PIWIL2: variants seen among roughly 807,000 people sequenced by gnomAD.
The protein encoded by PIWIL2 is piwi like RNA-mediated gene silencing 2.
Under a neutral mutation model 116.5 loss-of-function variants are expected in PIWIL2, and 81 were observed. The observed-to-expected ratio is 0.70, with a 90% CI of 0.58 to 0.84. The LOEUF (loss-of-function observed/expected upper bound fraction) is 0.84. Among genes scored for constraint, PIWIL2 ranks in the 40% least tolerant of loss-of-function variants. PIWIL2 has a pLI of 0.00. For synonymous variants in PIWIL2, 489 were observed against 429.5 expected (o/e 1.14, Z -1.71); for missense variants, 1,272 against 1,212.3 (o/e 1.05, Z -0.73).
At chr8:22,277,664 T>C (rs954616664) in intron 1 of PIWIL2, among the ~76,000 whole-genome samples, 1 of 151,214 alleles carries the variant, frequency 6.6e-6, no homozygotes, top group Non-Finnish European at 1.5e-5. Context: ...AACCACTGTG[T>C]GTGTGTGCTC....
chr8:22,280,966 AC>A (rs1830485701), intron 2 of PIWIL2, among the ~76,000 whole-genome samples, 153 bp from the exon 3 acceptor site: 1 of 152,228 alleles, frequency 6.6e-6, no homozygotes, highest in African/African-American at 2.4e-5. Context: ...TTACATAGTT[AC>A]AGGTATTTTT....
intron 18 of PIWIL2, among the ~76,000 whole-genome samples, chr8:22,315,667 G>A (rs930164589): frequency 2.0e-5 from 3 of 152,102 alleles, no homozygotes; most frequent in African/African-American, 7.2e-5. Context: ...TGATTATTCC[G>A]TGACACATGA....
chr8:22,345,060 C>T (rs1282768963), intron 20 of PIWIL2, among the ~76,000 whole-genome samples: 1 of 152,208 alleles, frequency 6.6e-6, no homozygotes, highest in African/African-American at 2.4e-5. Flanking sequence ...AGCCTGTGGT[C>T]CCAGCTACTC....
At chr8:22,315,507 G>A (rs1199302182) in intron 18 of PIWIL2, among the ~76,000 whole-genome samples, 2 of 151,994 alleles carry the variant, frequency 1.3e-5, no homozygotes, top group Non-Finnish European at 2.9e-5. Context: ...AGTACAGATG[G>A]GATTTCACCA....
chr8:22,343,238 C>G (rs553572407), intron 20 of PIWIL2, among the ~76,000 whole-genome samples: 3 of 151,278 alleles, frequency 2.0e-5, no homozygotes, highest in Non-Finnish European at 4.4e-5. Context: ...AACCCCGTCT[C>G]TACTAAAAAT....
At chr8:22,310,321 C>G (rs540891597) in intron 15 of PIWIL2, among the ~76,000 whole-genome samples, 4 of 152,330 alleles carry the variant, frequency 2.6e-5, no homozygotes, top group South Asian at 2.1e-4. Flanking sequence ...TAGTGCCAAC[C>G]TGTTACCCAC....
chr8:22,287,609 T>A lies in PIWIL2; in HGVS notation c.825T>A (p.Asp275Glu), dbSNP rs1482620258. 1 of 1,612,192 alleles carries A rather than the reference T, an allele frequency of 6.2e-7. No homozygotes were observed. The highest frequency in any genetic ancestry group is 2.2e-5 in the East Asian group (1 of 44,892). Residue 275 changes from aspartate to glutamate, a missense_variant, in exon 7 of 23, where the codon GAT (aspartate) becomes GAA (glutamate). Asp to Glu is a conservative substitution (Grantham distance 45, BLOSUM62 2). Transcript: ENST00000356766. ...TCACCGGCAACGTCACTGCGTTTGA[T>A]GGATCTATTCTCTATCTGCCTGTTA... ...QAVTGNVTAF[D>E]GSILYLPVKL...
intron 20 of PIWIL2, among the ~76,000 whole-genome samples, chr8:22,350,277 C>T (rs1427449454): frequency 3.3e-5 from 5 of 151,434 alleles, no homozygotes; most frequent in Non-Finnish European, 7.4e-5. Context: ...GGAGTAGATG[C>T]TGGAAAGCCA....
chr8:22,278,505 A>G (rs570597480), intron 1 of PIWIL2, among the ~76,000 whole-genome samples: 3 of 152,256 alleles, frequency 2.0e-5, no homozygotes, highest in Admixed American at 6.5e-5. Context: ...GGGCGACAGA[A>G]GGAGACCCTC....
chr8:22,306,761 C>G (rs1445920256), intron 13 of PIWIL2, among the ~76,000 whole-genome samples: 1 of 152,146 alleles, frequency 6.6e-6, no homozygotes, highest in Non-Finnish European at 1.5e-5. Flanking sequence ...GTTTACCTTC[C>G]AGTTCTTCTA....
Position 22,341,611 on chromosome 8 carries a change from A to AG in PIWIL2, c.2404-11348_2404-11347insG, listed in dbSNP as rs1384368840. 3.4e-3 allele frequency among the ~76,000 whole-genome samples: 521 copies of AG among 151,816 alleles called. 5 individuals are homozygous for AG. The highest frequency in any genetic ancestry group is 0.011 in the African/African-American group (476 of 41,392). ...ACTCCGTCTCAAAAAAAAAAAAAAA[A>AG]AAGATTCCCAGCACGTTAGGAATAG... On this transcript the variant is annotated intron_variant, in intron 20 of 22. Transcript: ENST00000356766.
At chr8:22,308,585 G>A (rs755048252) in intron 14 of PIWIL2, among the ~76,000 whole-genome samples, 19 of 152,074 alleles carry the variant, frequency 1.2e-4, no homozygotes, top group African/African-American at 3.9e-4. Flanking sequence ...CCCGGGAGGT[G>A]GAGGTTGCAG....
At chr8:22,318,657 T>C (rs75592735) in intron 20 of PIWIL2, among the ~76,000 whole-genome samples, 7,559 of 152,248 alleles carry the variant, frequency 0.05, 293 homozygotes, top group Admixed American at 0.086. Flanking sequence ...GTGAACACTT[T>C]ACAGGAAGTC....
rs1367200145 is a variant in PIWIL2 at position 22,306,016 on chromosome 8, G to A, written c.1545G>A (p.Lys515=). ...EKMKKDFRAM[K]DLAQQINLSP... is the part of the protein sequence containing the mutation. Reference sequence around the variant, plus strand: ...TGAAGAAGGACTTCAGAGCCATGAAGGTTGGAGTCCTGTGTTTTCAGCCGG... The same window carrying A: ...TGAAGAAGGACTTCAGAGCCATGAAAGTTGGAGTCCTGTGTTTTCAGCCGG... The change falls in exon 13 of 23, where the codon AAG becomes AAA. Residue 515 remains lysine, a splice_region_variant and synonymous_variant. Transcript: ENST00000356766. The A allele has an allele frequency of 6.2e-7, 1 of 1,608,868 alleles. No individual in the cohort carries two copies. Among genetic ancestry groups the A allele is most frequent in the Non-Finnish European group, 8.5e-7 (1 of 1,175,302 alleles).
At chr8:22,289,815 A>T in intron 8 of PIWIL2, 32 bp from the exon 9 acceptor site, 1 of 1,281,872 alleles carries the variant, frequency 7.8e-7, no homozygotes, top group Non-Finnish European at 1.1e-6. Context: ...TTACTCTTCT[A>T]TTAGAAAACT....
At position 22,311,164 on chromosome 8, in the gene PIWIL2, C is replaced by T. The variant is rs144253085; in HGVS notation, c.1853C>T (p.Ala618Val). 6.0e-3 allele frequency: 9,688 copies of T among 1,614,094 alleles called. 38 individuals carry two copies. Among genetic ancestry groups the T allele is most frequent in the Non-Finnish European group, 6.5e-3 (7,639 of 1,179,984 alleles). ...LFYPKRAMDQ[A>V]RELVNMLEKI... ...TACCCAAAGAGAGCAATGGACCAGG[C>T]TCGAGAACTGGTCAACATGTTGGAG... Residue 618 changes from alanine to valine, a missense_variant, in exon 16 of 23, where the codon GCT becomes GTT. Ala to Val is a moderately conservative substitution (Grantham distance 64, BLOSUM62 0). Transcript: ENST00000356766.
chr8:22,328,059 T>C (rs1831768509), intron 20 of PIWIL2, among the ~76,000 whole-genome samples: 1 of 152,212 alleles, frequency 6.6e-6, no homozygotes, highest in Non-Finnish European at 1.5e-5. Context: ...CCCTGTTTTT[T>C]TTTTCTAACA....
intron 14 of PIWIL2, among the ~76,000 whole-genome samples, chr8:22,309,421 GCCT>G (rs1414588356): frequency 6.6e-6 from 1 of 152,000 alleles, no homozygotes; most frequent in Non-Finnish European, 1.5e-5. Flanking sequence ...GCTCACTGCA[GCCT>G]CCTCCCGGAT....
intron 16 of PIWIL2, among the ~76,000 whole-genome samples, chr8:22,313,668 GT>G: frequency 6.6e-6 from 1 of 152,322 alleles, no homozygotes; most frequent in Non-Finnish European, 1.5e-5. Flanking sequence ...GGCTTAAAGG[GT>G]TGGCAACCTT....
Sources: gnomAD v4.1 joint callset for allele counts (sites outside exome capture counted in the v4.1 genomes callset) on GRCh38, gnomAD v4.1.1 for gene constraint, MANE v1.5 for transcripts, NCBI Gene and HGNC (gene_info 2026-07-23, HGNC 2026-07-21) for gene names.